The following EFTUD2 variants were observed in gnomAD, a reference collection of about 807,000 sequenced individuals.
EFTUD2 encodes the protein elongation factor Tu GTP binding domain containing 2, also known as 116 kDa U5 small nuclear ribonucleoprotein component.
Under a neutral mutation model 114.3 loss-of-function variants are expected in EFTUD2, and 9 were observed. The observed-to-expected ratio is 0.08, with a 90% CI of 0.05 to 0.14. EFTUD2 has a LOEUF of 0.14. Ranked by LOEUF, EFTUD2 falls within the 10% of genes least tolerant of loss-of-function variation. EFTUD2 has a pLI of 1.00. For synonymous variants in EFTUD2, 449 were observed against 462.3 expected (o/e 0.97, Z 0.37); for missense variants, 765 against 1,241.2 (o/e 0.62, Z 5.76).
At chr17:44,860,377 G>T in intron 17 of EFTUD2, 55 bp downstream of exon 17, 1 of 1,225,862 alleles carries the variant, frequency 8.2e-7, no homozygotes, top group Non-Finnish European at 1.2e-6. Flanking sequence ...GCTCATGTGT[G>T]TCCCTGGGAC....
chr17:44,854,783 C>A lies in EFTUD2; in HGVS notation c.2133-101G>T. The A allele has an allele frequency of 6.4e-7, 1 of 1,572,636 alleles. No homozygotes were observed. Among genetic ancestry groups the A allele is most frequent in the South Asian group, 1.2e-5 (1 of 86,926 alleles). Reference sequence around the variant, plus strand: ...CCTGGAAGACAGTCACTTCATCCTACCCACTGTGCCCAGAACAAGAGCAAA... The same window carrying A: ...CCTGGAAGACAGTCACTTCATCCTAACCACTGTGCCCAGAACAAGAGCAAA... On this transcript the variant is annotated intron_variant, in intron 21 of 27. Transcript: ENST00000426333. This position sits in a 1 kb window ranked among gnomAD's most constrained non-coding sequence, Gnocchi z 4.3.
intron 20 of EFTUD2, among the ~76,000 whole-genome samples, chr17:44,855,968 A>G (rs1198327747): frequency 2.0e-5 from 3 of 150,982 alleles, no homozygotes; most frequent in Admixed American, 6.6e-5. Context: ...GAAAAAAAAA[A>G]AAAGAAAAAC....
intron 2 of EFTUD2, chr17:44,892,230 G>A (rs1402758992): frequency 6.6e-6 from 1 of 152,208 alleles, no homozygotes; most frequent in East Asian, 1.9e-4. Context: ...GTTCCCCTAT[G>A]TAATCTCAGC....
Position 44,886,640 on chromosome 17 carries a change from C to T in EFTUD2, c.216G>A (p.Val72=), listed in dbSNP as rs1455894391. Residue 72 remains valine, a synonymous_variant, in exon 3 of 28, where the codon GTG becomes GTA. Transcript: ENST00000426333. ...DKKYYPTAEE[V]YGPEVETIVQ... is the part of the protein sequence containing the mutation. The stretch of plus-strand genomic sequence containing the variant: ...CTATGGTCTCCACCTCAGGACCATA[C>T]ACCTCCTCGGCTGTTGGGTAGTACT... The T allele has an allele frequency of 1.3e-5, 21 of 1,614,218 alleles. No homozygotes were observed. The highest frequency in any genetic ancestry group is 2.2e-5 in the East Asian group (1 of 44,888).
In EFTUD2 at chr17:44,883,272, C is replaced by G. The variant is rs895785322; in HGVS notation, c.427-114G>C. On this transcript the variant is annotated intron_variant, in intron 5 of 27. Coordinates refer to ENST00000426333, the MANE Select transcript of EFTUD2 (RefSeq NM_004247.4). The stretch of plus-strand genomic sequence containing the variant: ...AGGGATAAGGAGAGAAAAAGGAGAG[C>G]AAGGAGGGTTATGGGACAGCAAATA... 7 of 895,008 alleles carry G rather than the reference C, an allele frequency of 7.8e-6. No homozygotes were observed. The South Asian group carries it at 7.9e-5, about 10-fold the overall frequency. 55.4% of individuals were successfully genotyped at this position (895,008 alleles called of 1,614,324 possible).
chr17:44,876,709 TG>T, intron 9 of EFTUD2, among the ~76,000 whole-genome samples: 1 of 151,526 alleles, frequency 6.6e-6, no homozygotes, highest in South Asian at 2.1e-4. Context: ...AAAGATGAGC[TG>T]GGCGTGGTGG....
chr17:44,889,893 TATA>T (rs1391576344), intron 2 of EFTUD2, among the ~76,000 whole-genome samples: 3 of 152,254 alleles, frequency 2.0e-5, no homozygotes, highest in African/African-American at 7.2e-5. Flanking sequence ...CAGGATTTTA[TATA>T]ATAATTTCTG....
intron 14 of EFTUD2, chr17:44,864,084 T>C (rs1049642945): frequency 2.7e-5 from 6 of 224,434 alleles, no homozygotes; most frequent in South Asian, 7.3e-5. Flanking sequence ...GCTATACGCA[T>C]TTACGTGGAA....
At chr17:44,869,654 G>A (rs1452604752) in intron 11 of EFTUD2, among the ~76,000 whole-genome samples, 1 of 152,116 alleles carries the variant, frequency 6.6e-6, no homozygotes, top group Non-Finnish European at 1.5e-5. Context: ...AACAGGCCAT[G>A]ACTAACACCA....
rs372007853 is a variant in EFTUD2, at chr17:44,872,593, C to T, written c.870-23G>A. 34 of 1,589,664 alleles carry T rather than the reference C, an allele frequency of 2.1e-5. 1 individual carries two copies. In the South Asian group the frequency reaches 2.8e-4, roughly 13 times the overall value. Reference sequence around the variant, plus strand: ...ATGCTGAAACAGAGACAGTGGTGAACACAGTGCCAGGCTGCAGCAGCCCGG... The same window carrying T: ...ATGCTGAAACAGAGACAGTGGTGAATACAGTGCCAGGCTGCAGCAGCCCGG... On this transcript the variant is annotated intron_variant, in intron 10 of 27. Coordinates refer to ENST00000426333, the MANE Select transcript of EFTUD2 (RefSeq NM_004247.4).
chr17:44,854,224 C>T lies in EFTUD2; in HGVS notation c.2347+45G>A, dbSNP rs1427944285. ...CCCATCCCACTCATATGCCTGGCTG[C>T]AAGGACCCTCGAGGACTGGGGTGGG... On this transcript the variant is annotated intron_variant, in intron 23 of 27. Transcript: ENST00000426333. The surrounding 1 kb of genome is among the most constrained non-coding windows in gnomAD (Gnocchi z 4.3). The T allele has an allele frequency of 6.4e-7, 1 of 1,568,382 alleles. No individual in the cohort carries two copies. The highest frequency in any genetic ancestry group is 1.9e-5 in the Admixed American group (1 of 53,356).
chr17:44,853,876 A>G (rs1320016060), intron 23 of EFTUD2: 5 of 1,389,964 alleles, frequency 3.6e-6, no homozygotes, highest in Non-Finnish European at 4.7e-6. Context: ...CTTTCCTAGA[A>G]GTTTATTTCC....
chr17:44,864,741 T>C (rs997656734), intron 14 of EFTUD2, among the ~76,000 whole-genome samples, 189 bp downstream of exon 14: 4 of 152,156 alleles, frequency 2.6e-5, no homozygotes, highest in East Asian at 1.9e-4. Context: ...GTTCCCAAGA[T>C]AGAATGTGTG....
At chr17:44,865,211 G>A in intron 13 of EFTUD2, 146 bp from the exon 14 acceptor site, 11 of 1,255,356 alleles carry the variant, frequency 8.8e-6, no homozygotes, top group Non-Finnish European at 1.2e-5. Context: ...AAGGACAAAA[G>A]TTTGGTTTCA....
chr17:44,880,614 T>G lies in EFTUD2; in HGVS notation c.559A>C (p.Thr187Pro). ...RGVGIKSTPV[T>P]VVLPDTKGKS... ...CCTTTGGTGTCTGGCAAGACCACTG[T>G]CACAGGAGTGCTTTTGATGCCTACA... Residue 187 changes from threonine to proline, a missense_variant, in exon 8 of 28, where the codon ACA becomes CCA. Physicochemically the swap from Thr to Pro is conservative, Grantham distance 38 (BLOSUM62 -1). Transcript: ENST00000426333. 6.2e-7 allele frequency: 1 copy of G among 1,613,782 alleles called. No homozygotes were observed. Among genetic ancestry groups the G allele is most frequent in the Non-Finnish European group, 8.5e-7 (1 of 1,179,712 alleles).
At chr17:44,867,085 C>T (rs543202421) in intron 13 of EFTUD2, among the ~76,000 whole-genome samples, 2 of 152,200 alleles carry the variant, frequency 1.3e-5, no homozygotes, top group Non-Finnish European at 2.9e-5. Flanking sequence ...CCCACCTGGG[C>T]GACAGAGTGG....
At chr17:44,865,134 G>A in intron 13 of EFTUD2, 69 bp from the exon 14 acceptor site, 1 of 1,574,786 alleles carries the variant, frequency 6.4e-7, no homozygotes, top group Non-Finnish European at 8.6e-7. Context: ...GGAGACAAGG[G>A]AAGTCCAAAG....
At chr17:44,894,837 T>TG (rs993319198) in intron 1 of EFTUD2, among the ~76,000 whole-genome samples, 1 of 152,182 alleles carries the variant, frequency 6.6e-6, no homozygotes, top group African/African-American at 2.4e-5. Context: ...AGATGGGGCG[T>TG]GGGGGGCGCT....
chr17:44,873,966 C>A (rs1049204179), intron 10 of EFTUD2, among the ~76,000 whole-genome samples: 1 of 150,024 alleles, frequency 6.7e-6, no homozygotes, highest in African/African-American at 2.5e-5. Context: ...GATCTCCTGA[C>A]CTCATGATCC....
Sources: gnomAD v4.1 joint callset for allele counts (sites outside exome capture counted in the v4.1 genomes callset) on GRCh38, gnomAD v4.1.1 for gene constraint, Gnocchi (gnomAD v3.1) non-coding constraint, MANE v1.5 for transcripts, NCBI Gene and HGNC (gene_info 2026-07-23, HGNC 2026-07-21) for gene names.